Variants in SDHA observed in about 807,000 individuals in gnomAD.
The protein encoded by SDHA is succinate dehydrogenase complex flavoprotein subunit A.
A neutral mutation model predicts 78.4 loss-of-function variants in SDHA; 48 were observed. That is an observed-to-expected ratio of 0.61 (90% CI 0.49 to 0.78). The LOEUF (loss-of-function observed/expected upper bound fraction) is 0.78, where lower values mean the gene tolerates loss of function less well. Among genes scored for constraint, SDHA ranks in the 30% least tolerant of loss-of-function variants. The pLI, the probability that SDHA is intolerant of heterozygous loss-of-function variation, is 0.00. For synonymous variants in SDHA, 326 were observed against 353.9 expected (o/e 0.92, Z 0.88); for missense variants, 680 against 892.7 (o/e 0.76, Z 3.04).
At chr5:238,433 A>G (rs961357950) in intron 10 of SDHA, among the ~76,000 whole-genome samples, 14 of 150,016 alleles carry the variant, frequency 9.3e-5, no homozygotes, top group African/African-American at 3.3e-4. Context: ...ACATATATAT[A>G]CACATATATA....
At chr5:267,879 T>A in the SDHA span, among the ~76,000 whole-genome samples, 2 of 152,204 alleles carry the variant, frequency 1.3e-5, no homozygotes, top group Non-Finnish European at 2.9e-5. Flanking sequence ...GATCTCTCTT[T>A]TTGTTGGCAG....
Position 226,097 on chromosome 5 carries a change from A to T in SDHA, c.621+50A>T, listed in dbSNP as rs377459480. The T allele has an allele frequency of 5.1e-5, 82 of 1,603,674 alleles. No individual in the cohort carries two copies. The African/African-American group carries it at 9.8e-4, about 19-fold the overall frequency. On this transcript the variant is annotated intron_variant, in intron 5 of 14. Coordinates refer to ENST00000264932, the MANE Select transcript of SDHA (RefSeq NM_004168.4). The stretch of plus-strand genomic sequence containing the variant: ...GACAGGACACGTAGTGCTGGGGCTT[A>T]TGGTGACAGTGGGGAATGGGTTAGC...
At chr5:252,012 A>T (rs1736861998) in intron 13 of SDHA, 2 of 327,024 alleles carry the variant, frequency 6.1e-6, no homozygotes, top group Non-Finnish European at 1.2e-5. Flanking sequence ...CCAGTTTATT[A>T]AATAACGAGT....
intron 6 of SDHA, among the ~76,000 whole-genome samples, 183 bp from the exon 7 acceptor site, chr5:230,693 G>A (rs1230963920): frequency 6.6e-6 from 1 of 152,152 alleles, no homozygotes; most frequent in Non-Finnish European, 1.5e-5. Flanking sequence ...TACCTGTGCA[G>A]GGTAGCAGCA....
intron 1 of SDHA, among the ~76,000 whole-genome samples, chr5:221,445 C>G (rs1734709542): frequency 6.6e-6 from 1 of 152,172 alleles, no homozygotes; most frequent in Admixed American, 6.5e-5. Flanking sequence ...GTAGGTTGTA[C>G]ATGCAGATTA....
Position 247,755 on chromosome 5 carries a change from T to C in SDHA, c.1552-3237T>C, listed in dbSNP as rs150488135. 7.2e-3 allele frequency among the ~76,000 whole-genome samples: 1,090 copies of C among 152,346 alleles called. 15 individuals are homozygous for C. The highest frequency in any genetic ancestry group is 0.026 in the African/African-American group (1,068 of 41,578). ...CTACGTTAAACGTCACCTTTTGCAG[T>C]GTTTTGTGGTAATTGGCATTCTAGC... On this transcript the variant is annotated intron_variant, in intron 11 of 14. Transcript: ENST00000264932.
chr5:262,222 G>A, the SDHA span, among the ~76,000 whole-genome samples: 3 of 52,338 alleles, frequency 5.7e-5, no homozygotes, highest in East Asian at 3.4e-4. Context: ...TCCGCCTCCC[G>A]ACAGAGCATT....
At chr5:224,152 C>T (rs936274112) in intron 2 of SDHA, among the ~76,000 whole-genome samples, 27 of 152,322 alleles carry the variant, frequency 1.8e-4, no homozygotes, top group African/African-American at 5.8e-4. Flanking sequence ...CTCTACCATT[C>T]GTAGAATCTG....
rs375396913 is a variant in SDHA at position 256,376 on chromosome 5, G to C, written c.1951G>C (p.Glu651Gln). The change falls in exon 15 of 15, where the codon GAG becomes CAG. Residue 651 changes from glutamate to glutamine, a missense_variant. By Grantham distance (29) the Glu-to-Gln change is conservative (BLOSUM62 2). Transcript: ENST00000264932. The part of the protein sequence containing the change: ...YRPVIDKTLN[E>Q]ADCATVPPAI... ...ACCCGTGATCGACAAAACTTTGAAC[G>C]AGGCTGACTGTGCCACCGTCCCGCC... 2.5e-6 allele frequency: 4 copies of C among 1,613,912 alleles called. No homozygotes were observed. The East Asian group carries it at 8.9e-5, about 36-fold the overall frequency.
At chr5:255,026 G>C (rs539248809) in intron 14 of SDHA, among the ~76,000 whole-genome samples, 1 of 147,524 alleles carries the variant, frequency 6.8e-6, no homozygotes, top group Non-Finnish European at 1.5e-5. Context: ...ATGGAGGTGG[G>C]GTTGGGGTGA....
chr5:251,219 G>A (rs1247649092), intron 12 of SDHA, 116 bp downstream of exon 12: 8 of 1,483,812 alleles, frequency 5.4e-6, no homozygotes, highest in African/African-American at 2.8e-5. Context: ...ATGGGTCCTG[G>A]CCCACAGCTA....
In SDHA at chr5:251,735, T is replaced by C; in HGVS notation, c.1794+267T>C. The C allele has an allele frequency of 3.5e-6, 5 of 1,420,690 alleles. No individual in the cohort carries two copies. In the South Asian group the frequency reaches 6.1e-5, roughly 17 times the overall value. The allele number at this position is 1,420,690 out of a possible 1,614,324, so 88.0% of individuals were successfully genotyped here. A position where few individuals can be genotyped will look rare whatever the true frequency, so the allele number is the denominator to read the frequency against. The stretch of plus-strand genomic sequence containing the variant: ...TGCTTTGCTGTTAGAAGGCCAAGGT[T>C]AGAAGTGCAGCTAGAGTGGCAAGAC... On this transcript the variant is annotated intron_variant, in intron 13 of 14. Coordinates refer to ENST00000264932, the MANE Select transcript of SDHA (RefSeq NM_004168.4).
At chr5:259,822 G>A (rs1406043046), downstream of SDHA, among the ~76,000 whole-genome samples, 14 of 29,604 alleles carry the variant, frequency 4.7e-4, 1 homozygote, top group African/African-American at 4.6e-3. Context: ...TCCGCCTCCC[G>A]TCCGAGCATT....
chr5:222,962 G>A (rs1460422595), intron 1 of SDHA, among the ~76,000 whole-genome samples: 1 of 152,190 alleles, frequency 6.6e-6, no homozygotes, highest in Non-Finnish European at 1.5e-5. Context: ...CCTCTAGGCT[G>A]TCAGCTTTTA....
intron 10 of SDHA, among the ~76,000 whole-genome samples, chr5:237,113 C>T (rs1374057383): frequency 3.0e-5 from 4 of 135,012 alleles, no homozygotes; most frequent in Non-Finnish European, 6.0e-5. Flanking sequence ...GTTAAGGTGA[C>T]ATTTTTGGGG....
At chr5:232,517 G>A (rs1042565774) in intron 7 of SDHA, among the ~76,000 whole-genome samples, 4 of 152,090 alleles carry the variant, frequency 2.6e-5, no homozygotes, top group South Asian at 2.1e-4. Flanking sequence ...CACTGCACCC[G>A]GCCTGTTGTA....
downstream of SDHA, among the ~76,000 whole-genome samples, chr5:257,365 GT>G (rs1379591814): frequency 6.7e-6 from 1 of 150,336 alleles, no homozygotes; most frequent in Non-Finnish European, 1.5e-5. Flanking sequence ...TCCGCCACCT[GT>G]CAGAGCATTA....
downstream of SDHA, among the ~76,000 whole-genome samples, chr5:258,741 C>T (rs1424723835): frequency 6.6e-5 from 2 of 30,164 alleles, no homozygotes; most frequent in African/African-American, 1.9e-4. Context: ...GCCTCCCGTC[C>T]GAGCATTACC....
intron 11 of SDHA, 40 bp downstream of exon 11, chr5:240,516 G>C: frequency 7.7e-7 from 1 of 1,291,216 alleles, no homozygotes; most frequent in Non-Finnish European, 1.1e-6. Context: ...CAGGAGGGCT[G>C]CATACCTGGC....
Sources: gnomAD v4.1 joint callset for allele counts (sites outside exome capture counted in the v4.1 genomes callset) on GRCh38, gnomAD v4.1.1 for gene constraint, MANE v1.5 for transcripts, NCBI Gene and HGNC (gene_info 2026-07-23, HGNC 2026-07-21) for gene names.